WASHC2C: variants seen among roughly 807,000 people sequenced by gnomAD.
WASHC2C encodes the protein Vaccinia Penetration Factor.
Under a neutral mutation model 142.2 loss-of-function variants are expected in WASHC2C, and 73 were observed. That is an observed-to-expected ratio of 0.51 (90% CI 0.43 to 0.62). WASHC2C has a LOEUF of 0.62. Among genes scored for constraint, WASHC2C ranks in the 20% least tolerant of loss-of-function variants. WASHC2C has a pLI of 0.00. For missense variants in WASHC2C, 969 were observed against 1,531.7 expected (o/e 0.63, Z 6.13); for synonymous variants, 337 against 565.5 (o/e 0.60, Z 5.73).
At chr10:45,784,261 T>G (rs1271999848) in intron 23 of WASHC2C, among the ~76,000 whole-genome samples, 283 of 5,142 alleles carry the variant, frequency 0.055, 17 homozygotes, top group African/African-American at 0.1. Flanking sequence ...TGTATATATA[T>G]ATATATATAT....
At chr10:45,786,439 C>T (rs1589955979) in intron 26 of WASHC2C, 173 bp from the exon 27 acceptor site, 8 of 814,108 alleles carry the variant, frequency 9.8e-6, no homozygotes, top group Middle Eastern at 3.5e-4. Flanking sequence ...AGGAGGCATA[C>T]GTGAAGTAGT....
intron 21 of WASHC2C, among the ~76,000 whole-genome samples, chr10:45,773,594 G>A (rs868983826): frequency 5.0e-3 from 754 of 152,020 alleles, no homozygotes; most frequent in African/African-American, 0.017. Context: ...CTCAGAAGAG[G>A]CTTGGGCCCC....
chr10:45,745,978 ATC>A (rs2052777661), intron 7 of WASHC2C, among the ~76,000 whole-genome samples: 1 of 110,588 alleles, frequency 9.0e-6, no homozygotes, highest in Non-Finnish European at 1.8e-5. Context: ...TGTCCATGTG[ATC>A]TCATTGTTCA....
upstream of WASHC2C, chr10:45,727,265 C>T (rs562220553): frequency 3.2e-6 from 5 of 1,540,118 alleles, no homozygotes; most frequent in South Asian, 3.6e-5. Flanking sequence ...CGGGGCTCTG[C>T]GGTCCTCGGC....
chr10:45,774,219 C>T (rs1308044815), intron 21 of WASHC2C, among the ~76,000 whole-genome samples: 1 of 19,244 alleles, frequency 5.2e-5, no homozygotes, highest in Non-Finnish European at 1.0e-4. Flanking sequence ...AGCCCTGGGC[C>T]AGCATGCTGC....
intron 21 of WASHC2C, among the ~76,000 whole-genome samples, chr10:45,773,841 TAAA>T (rs536251745): frequency 2.8e-5 from 2 of 72,596 alleles, no homozygotes; most frequent in Admixed American, 3.3e-4. Context: ...TATACAGTGG[TAAA>T]AAAAAACCCA....
intron 3 of WASHC2C, among the ~76,000 whole-genome samples, chr10:45,729,976 A>G (rs1429252363): frequency 6.6e-6 from 1 of 151,720 alleles, no homozygotes; most frequent in Non-Finnish European, 1.5e-5. Flanking sequence ...AAATAAAGAC[A>G]TTAATAAAGG....
intron 14 of WASHC2C, 137 bp downstream of exon 14, chr10:45,754,682 A>G (rs2054022106): frequency 2.0e-6 from 2 of 986,232 alleles, no homozygotes; most frequent in South Asian, 3.5e-5. Flanking sequence ...TCTTATAGAA[A>G]GAGCTCATTT....
chr10:45,789,078 G>T lies in WASHC2C; in HGVS notation c.3295G>T (p.Ala1099Ser). ...CAGCACTGAGGAGGCCCTGGCAGCT[G>T]CCGCTGCACCTTGGGAAGGTGGTCC... ...EDSTEEALAAAAAPWEGGPVP... is the reference protein window; with the variant it reads ...EDSTEEALAASAAPWEGGPVP... Residue 1099 changes from alanine (A) to serine (S), a missense_variant, in exon 29 of 31, where the codon GCC becomes TCC. Coordinates refer to ENST00000623400, the MANE Select transcript of WASHC2C (RefSeq NM_001330074.2). 7 of 1,612,086 alleles carry T rather than the reference G, an allele frequency of 4.3e-6. No homozygotes were observed. Among genetic ancestry groups the T allele is most frequent in the Non-Finnish European group, 5.9e-6 (7 of 1,179,864 alleles).
At chr10:45,761,058 T>A (rs2055007789) in intron 17 of WASHC2C, among the ~76,000 whole-genome samples, 1 of 152,072 alleles carries the variant, frequency 6.6e-6, no homozygotes, top group Non-Finnish European at 1.5e-5. Context: ...TAGTGGTTCA[T>A]AACACCCATA....
rs1196944530 is a variant in WASHC2C at position 45,771,952 on chromosome 10, T to C, written c.2040-1304T>C. Among the ~76,000 whole-genome samples, 14 of 152,302 alleles carry C rather than the reference T, an allele frequency of 9.2e-5. No homozygotes were observed. The East Asian group carries it at 2.7e-3, about 29-fold the overall frequency. On this transcript the variant is annotated intron_variant, in intron 20 of 30. Coordinates refer to ENST00000623400, the MANE Select transcript of WASHC2C (RefSeq NM_001330074.2). ...GTTCATATAAAAACTTGTACATGAG[T>C]GTTTATTGCAGCCTTAGTCATAACA...
At chr10:45,737,642 A>G (rs1349319005) in intron 3 of WASHC2C, among the ~76,000 whole-genome samples, 2 of 152,214 alleles carry the variant, frequency 1.3e-5, no homozygotes, top group East Asian at 3.8e-4. Context: ...AGAATACTGT[A>G]TCATTGCCCA....
intron 22 of WASHC2C, among the ~76,000 whole-genome samples, chr10:45,777,772 GT>G (rs1338264780): frequency 2.9e-3 from 187 of 65,252 alleles, no homozygotes; most frequent in African/African-American, 0.012. Flanking sequence ...TTAAATGTCA[GT>G]TTTAAGGAGA....
intron 30 of WASHC2C, among the ~76,000 whole-genome samples, chr10:45,791,764 G>A (rs2058407136): frequency 6.8e-6 from 1 of 146,088 alleles, no homozygotes; most frequent in South Asian, 2.2e-4. Flanking sequence ...GATAAGACAA[G>A]CTTTTGAGTC....
At chr10:45,761,691 A>G (rs2055113493) in intron 17 of WASHC2C, among the ~76,000 whole-genome samples, 1 of 152,160 alleles carries the variant, frequency 6.6e-6, no homozygotes, top group Non-Finnish European at 1.5e-5. Flanking sequence ...GGGGGAACAT[A>G]TTTGAGGTAA....
chr10:45,776,358 C>A (rs1372073044), intron 21 of WASHC2C, among the ~76,000 whole-genome samples: 33 of 152,200 alleles, frequency 2.2e-4, no homozygotes, highest in Admixed American at 2.2e-3. Context: ...AAGTCACTTG[C>A]TGCAAAAATG....
chr10:45,754,117 G>A (rs535298940), intron 13 of WASHC2C, among the ~76,000 whole-genome samples: 165 of 151,934 alleles, frequency 1.1e-3, no homozygotes, highest in African/African-American at 3.6e-3. Context: ...TTTTTCACCC[G>A]TTCATTCTCA....
Position 45,738,335 on chromosome 10 carries a change from A to AT in WASHC2C, c.354+297dup, listed in dbSNP as rs1341825792. The stretch of plus-strand genomic sequence containing the variant: ...ACAGATTTGGAGGGTCACAGAGGTC[A>AT]TTTTTTTCCTGTGGCTTCCTGAGTT... On this transcript the variant is annotated intron_variant, in intron 4 of 30. Transcript: ENST00000623400. Among the ~76,000 whole-genome samples the AT allele has an allele frequency of 3.0e-4, 45 of 150,178 alleles. 1 individual carries two copies. The highest frequency in any genetic ancestry group is 3.0e-4 in the Non-Finnish European group (20 of 67,674).
chr10:45,743,583 C>G lies in WASHC2C; in HGVS notation c.622+100C>G, dbSNP rs1336104708. On this transcript the variant is annotated intron_variant, in intron 6 of 30. Transcript: ENST00000623400. ...AAAGTTTCAAGAATAGTTCAAAGAACTCTCATATACCCTTCACCTGGGTTT... is the reference window on the plus strand; with the variant it reads ...AAAGTTTCAAGAATAGTTCAAAGAAGTCTCATATACCCTTCACCTGGGTTT... 11 of 1,306,626 alleles carry G rather than the reference C, an allele frequency of 8.4e-6. No individual in the cohort carries two copies. In the African/African-American group the frequency reaches 1.6e-4, roughly 20 times the overall value. 80.9% of individuals were successfully genotyped at this position (1,306,626 alleles called of 1,614,324 possible).
Sources: gnomAD v4.1 joint callset for allele counts (sites outside exome capture counted in the v4.1 genomes callset) on GRCh38, gnomAD v4.1.1 for gene constraint, MANE v1.5 for transcripts, NCBI Gene and HGNC (gene_info 2026-07-23, HGNC 2026-07-21) for gene names.